BANP: variants seen among roughly 807,000 people sequenced by gnomAD.
The protein encoded by BANP is BTG3 associated nuclear protein.
Under a neutral mutation model 68.1 loss-of-function variants are expected in BANP, and 11 were observed. The ratio of observed to expected loss-of-function variants is 0.16; its 90% CI spans 0.10 to 0.27. The LOEUF (loss-of-function observed/expected upper bound fraction) is 0.27, where lower values mean the gene tolerates loss of function less well. Ranked by LOEUF, BANP falls within the 10% of genes least tolerant of loss-of-function variation. The pLI, the probability that BANP is intolerant of heterozygous loss-of-function variation, is 1.00. For synonymous variants in BANP, 329 were observed against 303.2 expected (o/e 1.09, Z -0.88); for missense variants, 504 against 722.7 (o/e 0.70, Z 3.47).
At chr16:88,048,001 G>T (rs2082390357) in intron 11 of BANP, among the ~76,000 whole-genome samples, 1 of 152,262 alleles carries the variant, frequency 6.6e-6, no homozygotes, top group Non-Finnish European at 1.5e-5. Context: ...GGGAGGGCAG[G>T]AAAGCTGATG....
chr16:88,028,657 G>C (rs1220061710), intron 8 of BANP, among the ~76,000 whole-genome samples: 1 of 152,196 alleles, frequency 6.6e-6, no homozygotes, highest in Non-Finnish European at 1.5e-5. Context: ...ACTTGAGAGA[G>C]GTAGCAGTCC....
intron 13 of BANP, among the ~76,000 whole-genome samples, chr16:88,073,365 G>T (rs757396711): frequency 2.0e-5 from 3 of 152,126 alleles, no homozygotes; most frequent in Non-Finnish European, 1.5e-5. Flanking sequence ...GAGCATTCCT[G>T]CTGTGCCCAT....
intron 12 of BANP, among the ~76,000 whole-genome samples, chr16:88,070,075 G>A (rs1273848668): frequency 2.0e-5 from 3 of 152,094 alleles, no homozygotes; most frequent in Non-Finnish European, 2.9e-5. Context: ...ATTTCCTCTC[G>A]CCTGTGCCTT....
At chr16:88,011,580 CA>C (rs1240408796) in intron 6 of BANP, among the ~76,000 whole-genome samples, 1 of 152,126 alleles carries the variant, frequency 6.6e-6, no homozygotes, top group Non-Finnish European at 1.5e-5. Context: ...CAGCCCACAC[CA>C]AAAAAGCATT....
At chr16:88,030,535 A>G (rs2077947686) in intron 8 of BANP, among the ~76,000 whole-genome samples, 1 of 152,244 alleles carries the variant, frequency 6.6e-6, no homozygotes, top group Admixed American at 6.5e-5. Context: ...TTAGTGAGCA[A>G]GAAGCTGCTG....
At chr16:87,968,299 A>G (rs1419984362) in intron 1 of BANP, among the ~76,000 whole-genome samples, 1 of 151,574 alleles carries the variant, frequency 6.6e-6, no homozygotes, top group Non-Finnish European at 1.5e-5. Flanking sequence ...GCCTGACCCA[A>G]CATGGTGAAA....
rs186807178 is a variant in BANP at position 87,996,081 on chromosome 16, C to T, written c.363-8214C>T. On this transcript the variant is annotated intron_variant, in intron 4 of 13. Transcript: ENST00000682872. ...ATCTCCATGTCAGTTGAGGGTTAGGCGGAGAACAGAGTCATGTCTGTTCTC... is the reference window on the plus strand; with the variant it reads ...ATCTCCATGTCAGTTGAGGGTTAGGTGGAGAACAGAGTCATGTCTGTTCTC... Among the ~76,000 whole-genome samples the T allele has an allele frequency of 3.1e-3, 479 of 152,300 alleles. 1 individual carries two copies. The highest frequency in any genetic ancestry group is 5.9e-3 in the Non-Finnish European group (402 of 68,018).
chr16:87,997,213 C>T (rs980769648), intron 4 of BANP, among the ~76,000 whole-genome samples: 1 of 152,214 alleles, frequency 6.6e-6, no homozygotes, highest in Non-Finnish European at 1.5e-5. Flanking sequence ...CCTGCTTCAG[C>T]CTCCCAAAGT....
At chr16:88,070,886 A>T (rs866878221) in intron 12 of BANP, among the ~76,000 whole-genome samples, 1 of 152,270 alleles carries the variant, frequency 6.6e-6, no homozygotes, top group Non-Finnish European at 1.5e-5. Context: ...TATACTTCGT[A>T]TCTTTAAAAG....
At chr16:88,046,189 C>T (rs1156800811) in intron 11 of BANP, among the ~76,000 whole-genome samples, 1 of 152,208 alleles carries the variant, frequency 6.6e-6, no homozygotes, top group East Asian at 1.9e-4. Context: ...AGCCTCCTGA[C>T]GCGGAGGTGG....
At chr16:88,072,684 A>G (rs1425803426) in intron 13 of BANP, among the ~76,000 whole-genome samples, 1 of 152,204 alleles carries the variant, frequency 6.6e-6, no homozygotes, top group Non-Finnish European at 1.5e-5. Context: ...GGCCCAGGCC[A>G]GCATCTCCAT....
intron 8 of BANP, among the ~76,000 whole-genome samples, chr16:88,031,762 A>G (rs758459622): frequency 6.6e-6 from 1 of 151,962 alleles, no homozygotes; most frequent in Admixed American, 6.6e-5. Context: ...TAAAAAATAC[A>G]TGGAAAGCTT....
At chr16:88,052,953 CACT>C (rs2083643052) in intron 11 of BANP, among the ~76,000 whole-genome samples, 2 of 151,824 alleles carry the variant, frequency 1.3e-5, no homozygotes, top group Admixed American at 6.6e-5. Context: ...CCACCTTCAC[CACT>C]ATCATCTCCA....
At chr16:87,982,261 T>G (rs985956354) in intron 3 of BANP, among the ~76,000 whole-genome samples, 1 of 152,224 alleles carries the variant, frequency 6.6e-6, no homozygotes, top group Admixed American at 6.5e-5. Flanking sequence ...GTCCCACTGT[T>G]GAGAAGAGGG....
At chr16:87,964,706 C>T (rs7201269) in intron 1 of BANP, among the ~76,000 whole-genome samples, 4 of 152,082 alleles carry the variant, frequency 2.6e-5, no homozygotes, top group Non-Finnish European at 5.9e-5. Flanking sequence ...GACAGTGAGA[C>T]GGCCGTATGT....
chr16:87,978,769 T>G (rs1215951650), intron 2 of BANP: 1 of 420,926 alleles, frequency 2.4e-6, no homozygotes, highest in Non-Finnish European at 4.9e-6. Context: ...CAAAACAGTC[T>G]CAGCCTTAAC....
At position 88,003,664 on chromosome 16, in the gene BANP, T is replaced by C. The variant is rs572456166; in HGVS notation, c.363-631T>C. The C allele has an allele frequency of 5.5e-4, 212 of 383,164 alleles. No individual in the cohort carries two copies. Among genetic ancestry groups the C allele is most frequent in the African/African-American group, 4.2e-3 (199 of 47,468 alleles). The allele number at this position is 383,164 out of a possible 1,614,324, so 23.7% of individuals were successfully genotyped here. On this transcript the variant is annotated intron_variant, in intron 4 of 13. Coordinates refer to ENST00000682872, the MANE Select transcript of BANP (RefSeq NM_001386991.1). The surrounding 1 kb of genome is among the most constrained non-coding windows in gnomAD (Gnocchi z 6.1). ...GCCAGGCTTGCTGGTTTCTGGGCCA[T>C]GGTCTGTTCTTTTGTAGAATCTTTT...
Position 88,072,191 on chromosome 16 carries a change from T to C in BANP, c.1500T>C (p.Ser500=). 2 of 1,610,684 alleles carry C rather than the reference T, an allele frequency of 1.2e-6. No homozygotes were observed. The highest frequency in any genetic ancestry group is 3.3e-5 in the Admixed American group (2 of 59,954). ...AGTACGTGCAGCTGGCGCCAGTGAG[T>C]GACCACACGGCCGGGGCACAGGTGA... ...QVQYVQLAPV[S]DHTAGAQTAE... is the part of the protein sequence containing the mutation. The change falls in exon 13 of 14, where the codon AGT becomes AGC. Residue 500 remains serine, a synonymous_variant. Transcript: ENST00000682872.
At chr16:87,997,580 T>C (rs750179290) in intron 4 of BANP, among the ~76,000 whole-genome samples, 2 of 146,830 alleles carry the variant, frequency 1.4e-5, no homozygotes, top group Non-Finnish European at 3.0e-5. Context: ...CATGTGTTCG[T>C]GGTAAAGTGG....
Sources: allele counts gnomAD v4.1 joint callset (sites outside exome capture counted in the v4.1 genomes callset), GRCh38; gene constraint gnomAD v4.1.1; non-coding constraint Gnocchi (gnomAD v3.1); transcripts MANE v1.5; gene names NCBI Gene and HGNC (gene_info 2026-07-23, HGNC 2026-07-21).